STRBP: variants seen among roughly 807,000 people sequenced by gnomAD.
The protein encoded by STRBP is spermatid perinuclear RNA-binding protein.
Under a neutral mutation model 80.1 loss-of-function variants are expected in STRBP, and 13 were observed. The observed-to-expected ratio is 0.16, with a 90% CI of 0.11 to 0.26. STRBP has a LOEUF of 0.26. Ranked by LOEUF, STRBP falls within the 10% of genes least tolerant of loss-of-function variation. The pLI is 1.00. For missense variants in STRBP, 485 were observed against 815.2 expected, an observed-to-expected ratio of 0.59 and a Z score of 4.93; for synonymous variants, 284 against 291.2, an observed-to-expected ratio of 0.98 and a Z score of 0.25.
At chr9:123,192,952 C>T (rs1461165472) in intron 2 of STRBP, among the ~76,000 whole-genome samples, 5 of 152,128 alleles carry the variant, frequency 3.3e-5, no homozygotes, top group East Asian at 1.9e-4. Flanking sequence ...CCAGTCAACA[C>T]GGGAATAATG....
chr9:123,188,661 T>G (rs2038799541), intron 2 of STRBP, among the ~76,000 whole-genome samples: 1 of 151,858 alleles, frequency 6.6e-6, no homozygotes, highest in Non-Finnish European at 1.5e-5. Flanking sequence ...AATAAAAATC[T>G]CAAAACCAAC....
At chr9:123,173,269 T>C (rs946656223) in intron 5 of STRBP, among the ~76,000 whole-genome samples, 1 of 152,208 alleles carries the variant, frequency 6.6e-6, no homozygotes, top group African/African-American at 2.4e-5. Flanking sequence ...TTTTAAAAAT[T>C]ACTATCTATG....
intron 11 of STRBP, among the ~76,000 whole-genome samples, chr9:123,149,469 A>G (rs1458304785): frequency 6.6e-6 from 1 of 152,226 alleles, no homozygotes; most frequent in Non-Finnish European, 1.5e-5. Context: ...ATCACAAGCT[A>G]GCTTAAATGC....
intron 11 of STRBP, among the ~76,000 whole-genome samples, chr9:123,156,337 C>G (rs2037283135): frequency 6.6e-6 from 1 of 151,954 alleles, no homozygotes; most frequent in African/African-American, 2.4e-5. Flanking sequence ...AGAAAATGGC[C>G]TTCATTCCTC....
Position 123,139,641 on chromosome 9 carries a change from T to G in STRBP, c.1385A>C (p.Glu462Ala), listed in dbSNP as rs1376011972. The change falls in exon 14 of 19, where the codon GAA becomes GCA. Residue 462 changes from glutamate to alanine, a missense_variant. Transcript: ENST00000348403. ...GYPTGFDADIECMSSDEKSDN... is the reference protein window; with the variant it reads ...GYPTGFDADIACMSSDEKSDN... ...TGATTTTTCATCGGAACTCATACAT[T>G]CAATATCTGCATCAAAGCCTGTTGG... The G allele has an allele frequency of 4.3e-6, 7 of 1,612,876 alleles. No homozygotes were observed. In the South Asian group the frequency reaches 7.7e-5, roughly 18 times the overall value.
chr9:123,205,049 C>T (rs1380117438), intron 2 of STRBP, among the ~76,000 whole-genome samples: 2 of 151,950 alleles, frequency 1.3e-5, no homozygotes, highest in Non-Finnish European at 2.9e-5. Flanking sequence ...GCAGATCACC[C>T]GAGGTCAGGA....
At chr9:123,243,627 A>G (rs1482262762) in intron 1 of STRBP, among the ~76,000 whole-genome samples, 3 of 147,274 alleles carry the variant, frequency 2.0e-5, no homozygotes, top group Admixed American at 6.9e-5. Flanking sequence ...GTTAAAACAA[A>G]TAAAAATTAA....
chr9:123,214,184 A>ACACACAC (rs59785669), intron 2 of STRBP, among the ~76,000 whole-genome samples: 2 of 150,878 alleles, frequency 1.3e-5, no homozygotes, highest in African/African-American at 2.5e-5. Flanking sequence ...ACACACACAC[A>ACACACAC]AAATGGAACA....
At chr9:123,212,423 G>A (rs888679468) in intron 2 of STRBP, among the ~76,000 whole-genome samples, 11 of 152,166 alleles carry the variant, frequency 7.2e-5, no homozygotes, top group African/African-American at 2.2e-4. Context: ...ACTAAAATTC[G>A]TATATTTATT....
Position 123,136,471 on chromosome 9 carries a change from A to G in STRBP, c.1542T>C (p.Pro514=), listed in dbSNP as rs1283554792. 3.1e-6 allele frequency: 5 copies of G among 1,614,126 alleles called. No individual in the cohort carries two copies. In the East Asian group the frequency reaches 6.7e-5, roughly 22 times the overall value. ...TTCTTTTTTCATTGAGCTCCATTAC[A>G]GGGTTTTTGCCACTTGCTGTGAGGA... ...GPILTASGKN[P]VMELNEKRRG... is the part of the protein sequence containing the mutation. Residue 514 remains proline, a synonymous_variant, in exon 15 of 19, where the codon CCT becomes CCC. Transcript: ENST00000348403. The surrounding 1 kb of genome is among the most constrained non-coding windows in gnomAD (Gnocchi z 4.2).
intron 2 of STRBP, among the ~76,000 whole-genome samples, chr9:123,232,568 G>T (rs1020870654): frequency 2.0e-5 from 3 of 152,140 alleles, no homozygotes; most frequent in Non-Finnish European, 4.4e-5. Context: ...CTGAACCAGG[G>T]TGGGGCCAGA....
rs557362438 is a variant in STRBP at position 123,167,583 on chromosome 9, A to G, written c.535+2319T>C. ...TTAGAAAAAACGAGCAAATTATAAA[A>G]GATATCAAGTGAGTCAACAGGGCTG... On this transcript the variant is annotated intron_variant, in intron 6 of 18. Transcript: ENST00000348403. 2.1e-4 allele frequency among the ~76,000 whole-genome samples: 32 copies of G among 152,318 alleles called. No individual in the cohort carries two copies. The East Asian group carries it at 6.0e-3, about 28-fold the overall frequency.
chr9:123,236,198 CA>C (rs1287571889), intron 2 of STRBP, among the ~76,000 whole-genome samples: 1 of 152,120 alleles, frequency 6.6e-6, no homozygotes, highest in Non-Finnish European at 1.5e-5. Context: ...GTGGTTTTAT[CA>C]CATAGTACAG....
At chr9:123,144,614 GTTA>G (rs974534772) in intron 13 of STRBP, among the ~76,000 whole-genome samples, 1 of 152,104 alleles carries the variant, frequency 6.6e-6, no homozygotes, top group African/African-American at 2.4e-5. Flanking sequence ...AATGTTAATG[GTTA>G]TTATTTCTAC....
chr9:123,147,012 C>G lies in STRBP; in HGVS notation c.1181G>C (p.Arg394Thr). The G allele has an allele frequency of 6.2e-7, 1 of 1,613,954 alleles. No homozygotes were observed. The highest frequency in any genetic ancestry group is 8.5e-7 in the Non-Finnish European group (1 of 1,179,932). ...AAGCCCAGGCCTGATCTGATTTAGC[C>G]TCATTAGTGCATTCATAAGGTCTAT... Reference protein sequence around the residue: ...KAIDLMNALMRLNQIRPGLQY... With the variant: ...KAIDLMNALMTLNQIRPGLQY... The change falls in exon 13 of 19, where the codon AGG (arginine) becomes ACG (threonine). Residue 394 changes from arginine to threonine, a missense_variant. This residue lies in a region of STRBP where 377 missense variants were observed against 616.1 expected (regional missense o/e 0.61). Coordinates refer to ENST00000348403, the MANE Select transcript of STRBP (RefSeq NM_018387.5).
intron 2 of STRBP, among the ~76,000 whole-genome samples, chr9:123,225,218 C>T (rs1269362235): frequency 1.3e-5 from 2 of 152,172 alleles, no homozygotes; most frequent in African/African-American, 2.4e-5. Context: ...TCTATTTCTT[C>T]TGGGTACCGG....
intron 2 of STRBP, among the ~76,000 whole-genome samples, chr9:123,232,464 A>G (rs2040425047): frequency 1.3e-5 from 2 of 152,218 alleles, no homozygotes; most frequent in African/African-American, 4.8e-5. Flanking sequence ...AGGTTACAAC[A>G]GCCCCATACT....
In STRBP at chr9:123,125,226, C is replaced by A; in HGVS notation, c.*371G>T. ...AACCAGGCAGTACTCTGTGTTACAA[C>A]AAAGCAGTTTATTTGTGATCAGTGT... On this transcript the variant is annotated 3_prime_UTR_variant, in exon 19 of 19. Coordinates refer to ENST00000348403, the MANE Select transcript of STRBP (RefSeq NM_018387.5). 1 of 994,594 alleles carries A rather than the reference C, an allele frequency of 1.0e-6. No homozygotes were observed. Among genetic ancestry groups the A allele is most frequent in the Non-Finnish European group, 1.2e-6 (1 of 835,896 alleles). 61.6% of individuals were successfully genotyped at this position (994,594 alleles called of 1,614,324 possible).
chr9:123,187,425 A>G (rs983832621), intron 2 of STRBP, among the ~76,000 whole-genome samples: 1 of 152,212 alleles, frequency 6.6e-6, no homozygotes, highest in Non-Finnish European at 1.5e-5. Flanking sequence ...TTATATAAAA[A>G]TACCTAATAA....
Sources: gnomAD v4.1 joint callset for allele counts (sites outside exome capture counted in the v4.1 genomes callset) on GRCh38, gnomAD v4.1.1 for gene constraint, gnomAD v4.1.1 regional missense constraint, Gnocchi (gnomAD v3.1) non-coding constraint, MANE v1.5 for transcripts, NCBI Gene and HGNC (gene_info 2026-07-23, HGNC 2026-07-21) for gene names.